Variants in PPP4R3B observed in about 807,000 individuals in gnomAD.
The protein encoded by PPP4R3B is protein phosphatase 4 regulatory subunit 3B, also known as serine/threonine-protein phosphatase 4 regulatory subunit 3B.
PPP4R3B carries 52 observed loss-of-function variants against 95.4 expected under a neutral mutation model. That is an observed-to-expected ratio of 0.54 (90% CI 0.44 to 0.69). The LOEUF (loss-of-function observed/expected upper bound fraction) is 0.69. PPP4R3B is among the 30% of genes least tolerant of loss of function. PPP4R3B has a pLI of 0.00. For synonymous variants in PPP4R3B, 407 were observed against 343.9 expected (o/e 1.18, Z -2.03); for missense variants, 1,003 against 1,005.9 (o/e 1.00, Z 0.04).
chr2:55,568,350 A>T lies in PPP4R3B; in HGVS notation c.1779T>A (p.Phe593Leu), dbSNP rs149034694. 82 of 1,598,030 alleles carry T rather than the reference A, an allele frequency of 5.1e-5. No individual in the cohort carries two copies. Among genetic ancestry groups the T allele is most frequent in the Admixed American group, 1.2e-4 (7 of 56,280 alleles). Reference protein sequence around the residue: ...HTFLALCALRFMRRIIGLKDE... With the variant: ...HTFLALCALRLMRRIIGLKDE... ...CTTTAAGTCCAATTATCCGCCTCAT[A>T]AAGCGAAGGGCACCTAATTAAAAAT... The change falls in exon 13 of 17, where the codon TTT (phenylalanine) becomes TTA (leucine). Residue 593 changes from phenylalanine (F) to leucine (L), a missense_variant. By Grantham distance (22) the Phe-to-Leu change is conservative. Coordinates refer to ENST00000616407, the MANE Select transcript of PPP4R3B (RefSeq NM_001122964.3).
intron 15 of PPP4R3B, among the ~76,000 whole-genome samples, chr2:55,562,731 T>C (rs967122420): frequency 1.3e-5 from 2 of 152,230 alleles, no homozygotes; most frequent in African/African-American, 4.8e-5. Context: ...TTACGGATCA[T>C]AACAAAATTA....
At chr2:55,583,189 AGGTCAC>A in intron 7 of PPP4R3B, among the ~76,000 whole-genome samples, 1 of 152,270 alleles carries the variant, frequency 6.6e-6, no homozygotes, top group African/African-American at 2.4e-5. Context: ...TCCTTCCTAA[AGGTCAC>A]CACCAGCCCA....
At chr2:55,610,213 T>C (rs570358041) in intron 2 of PPP4R3B, among the ~76,000 whole-genome samples, 8 of 152,330 alleles carry the variant, frequency 5.3e-5, no homozygotes, top group East Asian at 1.9e-4. Flanking sequence ...CGTGGTGGAA[T>C]AGACTTTCAT....
chr2:55,599,043 A>G lies in PPP4R3B; in HGVS notation c.298-4T>C. On this transcript the variant is annotated splice_polypyrimidine_tract_variant and splice_region_variant and intron_variant, in intron 3 of 16. Transcript: ENST00000616407. ...CTGATGGGTCTTTACCTTGAACCTA[A>G]AAATATCCAAGTATACAGCTAATTA... is the stretch of plus-strand genomic sequence containing the variant. 1 of 1,591,416 alleles carries G rather than the reference A, an allele frequency of 6.3e-7. No homozygotes were observed. Among genetic ancestry groups the G allele is most frequent in the East Asian group, 2.2e-5 (1 of 44,758 alleles).
At chr2:55,564,187 C>A in intron 15 of PPP4R3B, 126 bp downstream of exon 15, 1 of 675,260 alleles carries the variant, frequency 1.5e-6, no homozygotes, top group Non-Finnish European at 2.3e-6. Flanking sequence ...TTTAAAAGAA[C>A]ACAGTTTGGT....
At chr2:55,586,763 T>C (rs752213483) in intron 5 of PPP4R3B, 29 bp from the exon 6 acceptor site, 85 of 1,359,520 alleles carry the variant, frequency 6.3e-5, no homozygotes, top group Middle Eastern at 1.8e-4. Context: ...TAGTGAGACA[T>C]TGATAAACAT....
At chr2:55,574,045 T>C (rs909416788) in intron 11 of PPP4R3B, among the ~76,000 whole-genome samples, 5 of 151,844 alleles carry the variant, frequency 3.3e-5, no homozygotes, top group East Asian at 3.9e-4. Context: ...TACGCCACCA[T>C]GCTAGCTAAT....
chr2:55,603,983 A>T lies in PPP4R3B; in HGVS notation c.292T>A (p.Cys98Ser), dbSNP rs765089376. The change falls in exon 3 of 17, where the codon TGT (cysteine) becomes AGT (serine). Residue 98 changes from cysteine (C) to serine (S), a missense_variant. Coordinates refer to ENST00000616407, the MANE Select transcript of PPP4R3B (RefSeq NM_001122964.3). ...TATTATAAAAAGAAACTTACCTGAC[A>T]AATTTTTTCCCAGATCTCATCACAG... ...AGCDEIWEKI[C>S]QVQGKDPSVE... 6.3e-7 allele frequency: 1 copy of T among 1,596,210 alleles called. No homozygotes were observed. The highest frequency in any genetic ancestry group is 8.5e-7 in the Non-Finnish European group (1 of 1,174,502).
intron 1 of PPP4R3B, among the ~76,000 whole-genome samples, 175 bp from the exon 2 acceptor site, chr2:55,615,681 G>A (rs1019746446): frequency 7.9e-5 from 12 of 151,658 alleles, no homozygotes; most frequent in Non-Finnish European, 2.9e-5. Flanking sequence ...TGGTGAAACC[G>A]TCTCTACTAA....
Position 55,577,376 on chromosome 2 carries a change from T to C in PPP4R3B, c.1565-20A>G, listed in dbSNP as rs774041923. The C allele has an allele frequency of 6.9e-7, 1 of 1,448,368 alleles. No individual in the cohort carries two copies. Among genetic ancestry groups the C allele is most frequent in the South Asian group, 1.5e-5 (1 of 67,278 alleles). The allele number at this position is 1,448,368 out of a possible 1,614,324, so 89.7% of individuals were successfully genotyped here. ...TATTATCTAATAAAAAAATTAAAAA[T>C]TAAAATAAAATACTTCAGTAATAAT... On this transcript the variant is annotated intron_variant, in intron 10 of 16. Transcript: ENST00000616407.
chr2:55,554,961 G>A (rs1685656801), intron 16 of PPP4R3B, among the ~76,000 whole-genome samples: 1 of 152,122 alleles, frequency 6.6e-6, no homozygotes, highest in Admixed American at 6.5e-5. Flanking sequence ...TTCTGCATGT[G>A]GATATCCAGT....
chr2:55,595,353 G>T (rs1336190309), intron 4 of PPP4R3B, among the ~76,000 whole-genome samples: 1 of 151,786 alleles, frequency 6.6e-6, no homozygotes, highest in African/African-American at 2.4e-5. Context: ...GCAGAGGCTG[G>T]GTACAGTGGC....
At chr2:55,587,846 T>A (rs1274515853) in intron 5 of PPP4R3B, among the ~76,000 whole-genome samples, 1 of 152,200 alleles carries the variant, frequency 6.6e-6, no homozygotes, top group Non-Finnish European at 1.5e-5. Context: ...GAAAACGAAG[T>A]AGGCTACTAA....
intron 2 of PPP4R3B, among the ~76,000 whole-genome samples, chr2:55,606,590 G>A (rs1284091475): frequency 6.6e-6 from 1 of 152,008 alleles, no homozygotes; most frequent in Non-Finnish European, 1.5e-5. Context: ...GGGAGGCCGA[G>A]GCGGGCGGAT....
At chr2:55,556,852 C>A (rs548369804) in intron 16 of PPP4R3B, among the ~76,000 whole-genome samples, 1 of 152,200 alleles carries the variant, frequency 6.6e-6, no homozygotes, top group East Asian at 1.9e-4. Flanking sequence ...TGCTTGAGAC[C>A]AGCAGTCTGA....
At chr2:55,615,986 T>G (rs1416979106) in intron 1 of PPP4R3B, among the ~76,000 whole-genome samples, 1 of 140,752 alleles carries the variant, frequency 7.1e-6, no homozygotes, top group Non-Finnish European at 1.5e-5. Flanking sequence ...TCTCTCCAAA[T>G]CTAGGCTTCA....
chr2:55,589,973 A>G (rs1690757986), intron 4 of PPP4R3B, among the ~76,000 whole-genome samples: 1 of 144,456 alleles, frequency 6.9e-6, no homozygotes, highest in African/African-American at 2.5e-5. Context: ...ATATATTTAT[A>G]TATATATTTA....
At chr2:55,561,074 G>C (rs751674073) in intron 15 of PPP4R3B, among the ~76,000 whole-genome samples, 5 of 152,124 alleles carry the variant, frequency 3.3e-5, no homozygotes, top group Admixed American at 6.5e-5. Flanking sequence ...GCTGGGCCCA[G>C]GGCCCTGCTG....
intron 11 of PPP4R3B, among the ~76,000 whole-genome samples, chr2:55,576,584 T>C (rs1338213554): frequency 2.0e-5 from 3 of 150,962 alleles, no homozygotes; most frequent in African/African-American, 7.3e-5. Context: ...CTACTAAAAA[T>C]ACAAAAAATC....
Sources: gnomAD v4.1 joint callset for allele counts (sites outside exome capture counted in the v4.1 genomes callset) on GRCh38, gnomAD v4.1.1 for gene constraint, MANE v1.5 for transcripts, NCBI Gene and HGNC (gene_info 2026-07-23, HGNC 2026-07-21) for gene names.